DPP6: variants seen among roughly 807,000 people sequenced by gnomAD.
DPP6 encodes the protein A-type potassium channel modulatory protein DPP6.
DPP6 carries 69 observed loss-of-function variants against 122.6 expected under a neutral mutation model. The ratio of observed to expected loss-of-function variants is 0.56; its 90% CI spans 0.46 to 0.69. The LOEUF (loss-of-function observed/expected upper bound fraction) is 0.69. Among genes scored for constraint, DPP6 ranks in the 30% least tolerant of loss-of-function variants. DPP6 has a pLI of 0.00. For synonymous variants in DPP6, 418 were observed against 433.1 expected, an observed-to-expected ratio of 0.97 and a Z score of 0.43; for missense variants, 928 against 1,116.9, an observed-to-expected ratio of 0.83 and a Z score of 2.41.
intron 12 of DPP6, among the ~76,000 whole-genome samples, chr7:154,798,959 G>T (rs2150442847): frequency 6.6e-6 from 1 of 152,174 alleles, no homozygotes; most frequent in Non-Finnish European, 1.5e-5. Flanking sequence ...AGCCTAAGGG[G>T]GTTTTCCTGG....
chr7:153,900,781 C>A (rs1563217918), intron 1 of DPP6, among the ~76,000 whole-genome samples: 1 of 152,090 alleles, frequency 6.6e-6, no homozygotes, highest in Non-Finnish European at 1.5e-5. Context: ...CTGAAAGTGC[C>A]ATGTCTTATT....
intron 1 of DPP6, among the ~76,000 whole-genome samples, chr7:154,216,014 C>G (rs187908908): frequency 6.6e-6 from 1 of 152,174 alleles, no homozygotes; most frequent in East Asian, 1.9e-4. Context: ...CAGCTGCATT[C>G]TGGTCGGTCC....
the DPP6 span, among the ~76,000 whole-genome samples, chr7:153,797,943 G>A: frequency 6.6e-6 from 1 of 152,068 alleles, no homozygotes; most frequent in African/African-American, 2.4e-5. Flanking sequence ...CTGGGTTCAC[G>A]CCATTCTCCT....
intron 1 of DPP6, among the ~76,000 whole-genome samples, chr7:154,252,566 G>T (rs759412712): frequency 3.3e-5 from 5 of 152,102 alleles, no homozygotes; most frequent in Non-Finnish European, 7.3e-5. Context: ...ACTGCCTCTG[G>T]GAATAGCATA....
intron 1 of DPP6, among the ~76,000 whole-genome samples, chr7:153,975,342 A>T (rs1048113220): frequency 2.3e-5 from 2 of 86,976 alleles, no homozygotes; most frequent in African/African-American, 8.8e-5. Context: ...CCCCCCACCC[A>T]CCCCCACAGA....
chr7:154,170,093 C>G (rs1797457472), intron 1 of DPP6, among the ~76,000 whole-genome samples: 1 of 152,100 alleles, frequency 6.6e-6, no homozygotes, highest in South Asian at 2.1e-4. Flanking sequence ...ATGCCCAGGC[C>G]CTGAATTCTG....
chr7:154,356,845 T>G (rs1000367123), intron 1 of DPP6, among the ~76,000 whole-genome samples: 14 of 151,996 alleles, frequency 9.2e-5, no homozygotes, highest in African/African-American at 3.4e-4. Context: ...AACAAAAGAA[T>G]AGCAAATAGA....
At chr7:154,238,591 G>A (rs373257890) in intron 1 of DPP6, among the ~76,000 whole-genome samples, 8 of 152,260 alleles carry the variant, frequency 5.3e-5, no homozygotes, top group African/African-American at 1.4e-4. Flanking sequence ...CACTGCCACG[G>A]GGCTAGGAAG....
At chr7:154,305,590 G>C (rs771801623) in intron 1 of DPP6, 1 of 1,571,180 alleles carries the variant, frequency 6.4e-7, no homozygotes, top group East Asian at 2.3e-5. Context: ...GTGTGTGTGC[G>C]TGCGTGTGCA....
rs572919084 is a variant in DPP6 at position 154,290,808 on chromosome 7, C to G, written c.244-155406C>G. Among the ~76,000 whole-genome samples, 5 of 152,254 alleles carry G rather than the reference C, an allele frequency of 3.3e-5. No individual in the cohort carries two copies. In the South Asian group the frequency reaches 1.0e-3, roughly 32 times the overall value. On this transcript the variant is annotated intron_variant, in intron 1 of 25. Coordinates refer to ENST00000377770, the MANE Select transcript of DPP6 (RefSeq NM_130797.4). ...GTCCCTTGCTCTTCCTCTGCACATG[C>G]CTGTGTTTATCTGGAGAGAGTCTGT...
At chr7:154,166,527 AC>A (rs1797257892) in intron 1 of DPP6, among the ~76,000 whole-genome samples, 1 of 151,844 alleles carries the variant, frequency 6.6e-6, no homozygotes, top group South Asian at 2.1e-4. Flanking sequence ...CCCCCGAAGA[AC>A]TTTTGAAAAT....
At chr7:154,570,960 G>A (rs544740569) in intron 5 of DPP6, among the ~76,000 whole-genome samples, 1 of 152,258 alleles carries the variant, frequency 6.6e-6, no homozygotes, top group African/African-American at 2.4e-5. Context: ...TGTGGCACCA[G>A]CATTATAGTT....
At chr7:154,298,285 C>T (rs1805675503) in intron 1 of DPP6, among the ~76,000 whole-genome samples, 1 of 152,108 alleles carries the variant, frequency 6.6e-6, no homozygotes, top group Non-Finnish European at 1.5e-5. Context: ...CACACATACA[C>T]ACACTATTGG....
chr7:154,405,895 T>A (rs75489668), intron 1 of DPP6, among the ~76,000 whole-genome samples: 4,255 of 152,298 alleles, frequency 0.028, 188 homozygotes, highest in African/African-American at 0.097. Context: ...TATTTATGTG[T>A]ACAAAAGCAT....
intron 1 of DPP6, among the ~76,000 whole-genome samples, chr7:154,130,778 A>T (rs1251071804): frequency 6.6e-6 from 1 of 152,002 alleles, no homozygotes; most frequent in East Asian, 1.9e-4. Flanking sequence ...AGCCTGCAGG[A>T]TATACCAACC....
At chr7:154,011,477 A>G (rs1798154480) in intron 1 of DPP6, among the ~76,000 whole-genome samples, 1 of 152,244 alleles carries the variant, frequency 6.6e-6, no homozygotes, top group African/African-American at 2.4e-5. Flanking sequence ...AGTACAAAAA[A>G]TTCATCATTT....
intron 1 of DPP6, among the ~76,000 whole-genome samples, chr7:154,311,723 GT>G (rs1806908452): frequency 6.6e-6 from 1 of 152,104 alleles, no homozygotes; most frequent in Admixed American, 6.5e-5. Flanking sequence ...CCCATTTGTT[GT>G]TGACCTTTCA....
chr7:154,139,826 T>C (rs1795755057), intron 1 of DPP6, among the ~76,000 whole-genome samples: 2 of 152,222 alleles, frequency 1.3e-5, no homozygotes, highest in Admixed American at 6.5e-5. Flanking sequence ...AAGTCTCTTT[T>C]GCATTTCTTT....
At chr7:153,891,193 T>C (rs1799185667) in intron 1 of DPP6, among the ~76,000 whole-genome samples, 1 of 151,312 alleles carries the variant, frequency 6.6e-6, no homozygotes, top group African/African-American at 2.4e-5. Flanking sequence ...GGCTAATTTT[T>C]TTGTATTTTT....
Sources: gnomAD v4.1 joint callset for allele counts (sites outside exome capture counted in the v4.1 genomes callset) on GRCh38, gnomAD v4.1.1 for gene constraint, MANE v1.5 for transcripts, NCBI Gene and HGNC (gene_info 2026-07-23, HGNC 2026-07-21) for gene names.